Variants in CC2D2B observed in about 807,000 individuals in gnomAD.
CC2D2B encodes the protein protein CC2D2B.
A neutral mutation model predicts 161.2 loss-of-function variants in CC2D2B; 128 were observed. That is an observed-to-expected ratio of 0.79 (90% CI 0.69 to 0.92). The LOEUF is 0.92. Ranked by LOEUF, CC2D2B falls within the 40% of genes least tolerant of loss-of-function variation. The pLI, the probability that CC2D2B is intolerant of heterozygous loss-of-function variation, is 0.00. For missense variants in CC2D2B, 1,173 were observed against 1,375.1 expected, an observed-to-expected ratio of 0.85 and a Z score of 2.32; for synonymous variants, 391 against 449.8, an observed-to-expected ratio of 0.87 and a Z score of 1.65.
intron 17 of CC2D2B, among the ~76,000 whole-genome samples, chr10:95,977,828 T>C (rs924759831): frequency 1.3e-5 from 2 of 152,238 alleles, no homozygotes; most frequent in African/African-American, 4.8e-5. Context: ...ATGTTGGGCT[T>C]TTATAGGCTA....
rs574836105 is a variant in CC2D2B at position 96,025,655 on chromosome 10, G to A, written c.3947+744G>A. On this transcript the variant is annotated intron_variant, in intron 33 of 34. Coordinates refer to ENST00000646931, the MANE Select transcript of CC2D2B (RefSeq NM_001349008.3). Reference sequence around the variant, plus strand: ...CAGTAGAAACGGCAGTACTGCCACAGCTGGACACTCCCAGCCTCCCAAGCA... The same window carrying A: ...CAGTAGAAACGGCAGTACTGCCACAACTGGACACTCCCAGCCTCCCAAGCA... Among the ~76,000 whole-genome samples the A allele has an allele frequency of 2.0e-5, 3 of 152,320 alleles. No homozygotes were observed. The South Asian group carries it at 6.2e-4, about 32-fold the overall frequency.
intron 32 of CC2D2B, 30 bp from the exon 33 acceptor site, chr10:96,024,823 A>T: frequency 7.7e-7 from 1 of 1,295,446 alleles, no homozygotes; most frequent in Non-Finnish European, 1.1e-6. Flanking sequence ...GGTCTCTAGA[A>T]TCTATTCTAA....
intron 24 of CC2D2B, among the ~76,000 whole-genome samples, chr10:96,003,021 A>ATATATATATATATATATATATATATAT (rs2078571748): frequency 7.1e-6 from 1 of 140,708 alleles, no homozygotes; most frequent in African/African-American, 2.6e-5. Flanking sequence ...AAAATAAATA[A>ATATATATATATATATATATATATATAT]ATATATATAT....
At chr10:95,984,291 G>C (rs762353579) in intron 19 of CC2D2B, among the ~76,000 whole-genome samples, 2 of 152,148 alleles carry the variant, frequency 1.3e-5, no homozygotes, top group African/African-American at 2.4e-5. Context: ...AATAAGGCTA[G>C]CTTTTCATAT....
At chr10:95,926,848 C>CTGTGTGTGTGTGTG (rs1209292988) in intron 5 of CC2D2B, among the ~76,000 whole-genome samples, 51 of 106,952 alleles carry the variant, frequency 4.8e-4, no homozygotes, top group African/African-American at 6.4e-4. Flanking sequence ...GTGTGTGTGT[C>CTGTGTGTGTGTGTG]TGTGTGTGTG....
chr10:95,980,660 A>G (rs1446261508), intron 17 of CC2D2B, among the ~76,000 whole-genome samples: 1 of 152,138 alleles, frequency 6.6e-6, no homozygotes, highest in Non-Finnish European at 1.5e-5. Context: ...AGAATATGCA[A>G]ACTTCACCTG....
In CC2D2B at chr10:95,922,085, T is replaced by A. The variant is rs1382740929; in HGVS notation, c.97+9T>A. ...CAAGCATCTCCAAAAAGGTTCTCAA[T>A]AAGTATACCATAACTCTGATACTCT... On this transcript the variant is annotated intron_variant, in intron 3 of 34. Transcript: ENST00000646931. The A allele has an allele frequency of 7.1e-7, 1 of 1,405,964 alleles. No homozygotes were observed. Among genetic ancestry groups the A allele is most frequent in the Admixed American group, 2.0e-5 (1 of 49,968 alleles). The allele number at this position is 1,405,964 out of a possible 1,614,324, so 87.1% of individuals were successfully genotyped here.
At chr10:96,019,141 T>C in intron 30 of CC2D2B, 62 bp from the exon 31 acceptor site, 3 of 1,368,840 alleles carry the variant, frequency 2.2e-6, no homozygotes, top group South Asian at 2.8e-5. Context: ...CATCACAGTA[T>C]AATTTCCATA....
intron 17 of CC2D2B, among the ~76,000 whole-genome samples, chr10:95,977,038 C>T (rs1488720405): frequency 6.6e-6 from 1 of 152,142 alleles, no homozygotes; most frequent in East Asian, 1.9e-4. Context: ...GCATGAGCCA[C>T]CGCACCCAGC....
intron 9 of CC2D2B, among the ~76,000 whole-genome samples, chr10:95,944,316 A>T (rs2076122774): frequency 6.6e-6 from 1 of 152,174 alleles, no homozygotes; most frequent in Non-Finnish European, 1.5e-5. Context: ...AGATTTTATA[A>T]ATGGTACCAC....
intron 1 of CC2D2B, among the ~76,000 whole-genome samples, chr10:95,909,539 G>T (rs944231422): frequency 6.6e-6 from 1 of 152,166 alleles, no homozygotes; most frequent in Non-Finnish European, 1.5e-5. Flanking sequence ...TTGGATTTTG[G>T]TCTGAATTCA....
chr10:96,008,386 T>C (rs1410812747), intron 25 of CC2D2B, among the ~76,000 whole-genome samples: 1 of 152,104 alleles, frequency 6.6e-6, no homozygotes, highest in Non-Finnish European at 1.5e-5. Context: ...CTATGAACAT[T>C]TGTGTAAAGT....
intron 1 of CC2D2B, 57 bp from the exon 2 acceptor site, chr10:95,911,244 T>A (rs2098505922): frequency 4.6e-6 from 1 of 218,576 alleles, no homozygotes; most frequent in Admixed American, 5.8e-5. Flanking sequence ...ACCTCAAGTA[T>A]CACAAGTCAG....
At chr10:95,924,443 T>C (rs2098534429) in intron 4 of CC2D2B, 53 bp downstream of exon 4, 2 of 985,352 alleles carry the variant, frequency 2.0e-6, no homozygotes, top group Non-Finnish European at 3.0e-6. Context: ...AATGAGACAT[T>C]TAACACAATC....
intron 1 of CC2D2B, among the ~76,000 whole-genome samples, chr10:95,910,877 T>C (rs1002152672): frequency 6.6e-6 from 1 of 152,220 alleles, no homozygotes; most frequent in African/African-American, 2.4e-5. Context: ...GAAGTTTTTT[T>C]CAGTACCCTT....
At chr10:96,003,420 T>C (rs1412572281) in intron 24 of CC2D2B, among the ~76,000 whole-genome samples, 1 of 115,568 alleles carries the variant, frequency 8.7e-6, no homozygotes, top group Admixed American at 8.9e-5. Flanking sequence ...CCGTTATTTA[T>C]TTATGTATTT....
intron 24 of CC2D2B, among the ~76,000 whole-genome samples, chr10:96,003,700 C>T (rs1456057095): frequency 6.6e-6 from 1 of 151,922 alleles, no homozygotes; most frequent in Non-Finnish European, 1.5e-5. Context: ...AGGTGATCCA[C>T]CCGCCTCGGC....
intron 25 of CC2D2B, among the ~76,000 whole-genome samples, chr10:96,006,662 T>C (rs1471657485): frequency 1.3e-5 from 2 of 152,154 alleles, no homozygotes. Flanking sequence ...AAAGAAATTA[T>C]CTTCCAGGAC....
intron 15 of CC2D2B, among the ~76,000 whole-genome samples, chr10:95,971,388 CAAA>C (rs200214465): frequency 1.0e-5 from 1 of 99,632 alleles, no homozygotes. Context: ...GACTCAACCT[CAAA>C]AAAAAAAAAA....
Sources: allele counts gnomAD v4.1 joint callset (sites outside exome capture counted in the v4.1 genomes callset), GRCh38; gene constraint gnomAD v4.1.1; transcripts MANE v1.5; gene names NCBI Gene and HGNC (gene_info 2026-07-23, HGNC 2026-07-21).